The following CACNA1B variants were observed in gnomAD, a reference collection of about 807,000 sequenced individuals.
The protein encoded by CACNA1B is voltage-dependent N-type calcium channel subunit alpha-1B.
CACNA1B carries 70 observed loss-of-function variants against 247.2 expected under a neutral mutation model. The ratio of observed to expected loss-of-function variants is 0.28; its 90% confidence interval spans 0.23 to 0.35. CACNA1B has a LOEUF of 0.35. Ranked by LOEUF, CACNA1B falls within the 10% of genes least tolerant of loss-of-function variation. The pLI, the probability that CACNA1B is intolerant of heterozygous loss-of-function variation, is 1.00. For synonymous variants in CACNA1B, 1,231 were observed against 1,294.4 expected (o/e 0.95, Z 1.05); for missense variants, 2,367 against 3,197.4 (o/e 0.74, Z 6.26).
chr9:137,911,201 C>T (rs1316379670), intron 3 of CACNA1B, among the ~76,000 whole-genome samples: 3 of 151,902 alleles, frequency 2.0e-5, no homozygotes, highest in East Asian at 1.9e-4. Flanking sequence ...TATTCTATTC[C>T]GTTGATCTAG....
Position 138,105,698 on chromosome 9 carries a change from G to A in CACNA1B, c.5320-1G>A. 6.5e-7 allele frequency: 1 copy of A among 1,540,924 alleles called. No homozygotes were observed. Among genetic ancestry groups the A allele is most frequent in the Non-Finnish European group, 8.8e-7 (1 of 1,138,410 alleles). ...CCCTGACCGGCCCTGCTTGTCCCTA[G>A]CGCCTGGTTCGCATGAACATGCCCA... On this transcript the variant is annotated splice_acceptor_variant, in intron 38 of 46. Transcript: ENST00000371372. LOFTEE classifies it high-confidence loss of function.
rs558943998 is a variant in CACNA1B, at chr9:137,954,134, C to T, written c.1071-1564C>T. Among the ~76,000 whole-genome samples the T allele has an allele frequency of 3.9e-5, 6 of 152,266 alleles. No individual in the cohort carries two copies. Among genetic ancestry groups the T allele is most frequent in the Non-Finnish European group, 5.9e-5 (4 of 67,996 alleles). ...GGATATGTGATGTTCCTCCCATCAG[C>T]GCAGCTGAACCCTCCCTCAGGCCCA... is the stretch of plus-strand genomic sequence containing the variant. On this transcript the variant is annotated intron_variant, in intron 7 of 46. Coordinates refer to ENST00000371372, the MANE Select transcript of CACNA1B (RefSeq NM_000718.4). The surrounding 1 kb of genome is among the most constrained non-coding windows in gnomAD (Gnocchi z 4.1).
intron 6 of CACNA1B, among the ~76,000 whole-genome samples, chr9:137,929,210 A>G (rs939474484): frequency 6.6e-6 from 1 of 152,164 alleles, no homozygotes; most frequent in Non-Finnish European, 1.5e-5. Context: ...GCAGTGCACA[A>G]GGGCTCCAGT....
At position 137,917,198 on chromosome 9, in the gene CACNA1B, G is replaced by A. The variant is rs201918573; in HGVS notation, c.776-43G>A. ...AATCCTGGTGGGGATTGGAGAGCTT[G>A]GTATTTCTGAGCTCAGGGTCTGCTT... On this transcript the variant is annotated intron_variant, in intron 5 of 46. Transcript: ENST00000371372. The surrounding 1 kb of genome is among the most constrained non-coding windows in gnomAD (Gnocchi z 5.5). The A allele has an allele frequency of 7.1e-6, 11 of 1,558,506 alleles. No homozygotes were observed. The highest frequency in any genetic ancestry group is 9.6e-6 in the Non-Finnish European group (11 of 1,143,912).
At chr9:138,028,831 A>G (rs956312102) in intron 20 of CACNA1B, among the ~76,000 whole-genome samples, 2 of 152,312 alleles carry the variant, frequency 1.3e-5, no homozygotes, top group East Asian at 3.9e-4. Flanking sequence ...GGCTGAGGCA[A>G]GTGAACTCTG....
At chr9:138,017,637 G>A (rs1258005046) in intron 18 of CACNA1B, among the ~76,000 whole-genome samples, 6 of 152,178 alleles carry the variant, frequency 3.9e-5, no homozygotes, top group Non-Finnish European at 8.8e-5. Flanking sequence ...CCCCTTACTT[G>A]GGAGGGACTG....
intron 15 of CACNA1B, among the ~76,000 whole-genome samples, chr9:137,991,687 A>G (rs1958433377): frequency 6.6e-6 from 1 of 152,246 alleles, no homozygotes; most frequent in African/African-American, 2.4e-5. Context: ...ATGAGGCAAA[A>G]ATATCAGGTA....
At chr9:137,964,773 G>A (rs1254238655) in intron 10 of CACNA1B, among the ~76,000 whole-genome samples, 1 of 152,160 alleles carries the variant, frequency 6.6e-6, no homozygotes, top group East Asian at 1.9e-4. Context: ...AAGAAAAGGG[G>A]CACTCTGGCT....
At chr9:138,068,110 C>G (rs1461651030) in intron 31 of CACNA1B, among the ~76,000 whole-genome samples, 2 of 152,108 alleles carry the variant, frequency 1.3e-5, no homozygotes, top group Non-Finnish European at 2.9e-5. Flanking sequence ...GTGCGCAAGT[C>G]AAAGAAGCCT....
intron 3 of CACNA1B, chr9:137,892,243 G>A (rs1275904515): frequency 2.2e-6 from 1 of 456,692 alleles, no homozygotes; most frequent in African/African-American, 2.0e-5. Context: ...TTCCTTCTCA[G>A]TCCTGGAGGC....
chr9:137,985,153 T>C (rs1217082093), intron 13 of CACNA1B, among the ~76,000 whole-genome samples: 1 of 152,232 alleles, frequency 6.6e-6, no homozygotes, highest in Admixed American at 6.5e-5. Context: ...AGATGACCTC[T>C]CAGAAGCCCA....
At chr9:137,922,027 A>G (rs35986524) in intron 6 of CACNA1B, among the ~76,000 whole-genome samples, 726 of 62,044 alleles carry the variant, frequency 0.012, no homozygotes, top group Middle Eastern at 0.074. Context: ...AGAATAAAGC[A>G]TTCGGAGAAC....
chr9:137,930,193 ATTAT>A (rs1443536931), intron 6 of CACNA1B, among the ~76,000 whole-genome samples: 2 of 152,246 alleles, frequency 1.3e-5, no homozygotes, highest in African/African-American at 4.8e-5. Flanking sequence ...GGTTTAGATG[ATTAT>A]TTAGACTTCC....
At chr9:137,978,952 G>A (rs1958261422) in intron 12 of CACNA1B, among the ~76,000 whole-genome samples, 1 of 152,178 alleles carries the variant, frequency 6.6e-6, no homozygotes, top group African/African-American at 2.4e-5. Flanking sequence ...ACAGTGGGAA[G>A]ACAGCAACCC....
chr9:138,102,622 A>G lies in CACNA1B; in HGVS notation c.5223-89A>G, dbSNP rs949922243. The stretch of plus-strand genomic sequence containing the variant: ...TCTTGTCTGCTTCCTCCCTGCCCCT[A>G]CCCCGCTCCCCTCCCCGCTCCCCTC... On this transcript the variant is annotated intron_variant, in intron 37 of 46. Transcript: ENST00000371372. This position sits in a 1 kb window ranked among gnomAD's most constrained non-coding sequence, Gnocchi z 5.4. The G allele has an allele frequency of 2.0e-5, 12 of 589,030 alleles. No homozygotes were observed. Among genetic ancestry groups the G allele is most frequent in the Admixed American group, 1.1e-4 (4 of 35,746 alleles). 36.5% of individuals were successfully genotyped at this position (589,030 alleles called of 1,614,324 possible). A position where few individuals can be genotyped will look rare whatever the true frequency, so the allele number is the denominator to read the frequency against.
At chr9:137,951,463 T>C (rs1473577772) in intron 6 of CACNA1B, among the ~76,000 whole-genome samples, 1 of 152,156 alleles carries the variant, frequency 6.6e-6, no homozygotes, top group Admixed American at 6.5e-5. Context: ...TCTTGTGAAC[T>C]GCCTCTGAAG....
intron 36 of CACNA1B, among the ~76,000 whole-genome samples, chr9:138,078,707 C>T (rs1174111092): frequency 6.6e-6 from 1 of 152,128 alleles, no homozygotes; most frequent in Non-Finnish European, 1.5e-5. Flanking sequence ...TACAGCTTGG[C>T]TCTGGCTTCT....
intron 42 of CACNA1B, among the ~76,000 whole-genome samples, chr9:138,116,356 A>G (rs1294804895): frequency 6.6e-6 from 1 of 152,236 alleles, no homozygotes; most frequent in Non-Finnish European, 1.5e-5. Context: ...AATCACCCAG[A>G]AGCAGGTGAC....
intron 6 of CACNA1B, among the ~76,000 whole-genome samples, chr9:137,932,300 T>C (rs369298589): frequency 4.3e-4 from 66 of 152,276 alleles, no homozygotes; most frequent in African/African-American, 1.4e-3. Context: ...CATTTGTGTC[T>C]GGTGGTTGCA....
Sources: gnomAD v4.1 joint callset for allele counts (sites outside exome capture counted in the v4.1 genomes callset) on GRCh38, gnomAD v4.1.1 for gene constraint, Gnocchi (gnomAD v3.1) non-coding constraint, MANE v1.5 for transcripts, NCBI Gene and HGNC (gene_info 2026-07-23, HGNC 2026-07-21) for gene names.